Variants in NBEA observed in about 807,000 individuals in gnomAD.
NBEA encodes the protein lysosomal-trafficking regulator 2.
A neutral mutation model predicts 343.4 loss-of-function variants in NBEA; 44 were observed. The observed-to-expected ratio is 0.13, with a 90% CI of 0.10 to 0.16. The LOEUF (loss-of-function observed/expected upper bound fraction) is 0.16, where lower values mean the gene tolerates loss of function less well. Ranked by LOEUF, NBEA falls within the 10% of genes least tolerant of loss-of-function variation. The pLI, the probability that NBEA is intolerant of heterozygous loss-of-function variation, is 1.00. For synonymous variants in NBEA, 1,175 were observed against 1,238.7 expected, an observed-to-expected ratio of 0.95 and a Z score of 1.08; for missense variants, 2,555 against 3,631.3, an observed-to-expected ratio of 0.70 and a Z score of 7.62.
chr13:35,301,085 G>T (rs2036509697), intron 35 of NBEA, among the ~76,000 whole-genome samples: 2 of 151,698 alleles, frequency 1.3e-5, no homozygotes, highest in Non-Finnish European at 2.9e-5. Context: ...ATATTTTATA[G>T]TCCCTTTTCT....
intron 28 of NBEA, 79 bp downstream of exon 28, chr13:35,177,182 C>A: frequency 9.2e-7 from 1 of 1,088,872 alleles, no homozygotes; most frequent in South Asian, 1.5e-5. Context: ...AAGAAAGCTG[C>A]TTATGAAAAC....
At chr13:35,586,189 C>A (rs2081287208) in intron 46 of NBEA, among the ~76,000 whole-genome samples, 1 of 152,130 alleles carries the variant, frequency 6.6e-6, no homozygotes, top group African/African-American at 2.4e-5. Context: ...ATATTTTTTC[C>A]CTTCACCTAA....
intron 1 of NBEA, among the ~76,000 whole-genome samples, chr13:34,964,978 A>G (rs1021320463): frequency 1.3e-5 from 2 of 152,044 alleles, no homozygotes; most frequent in Non-Finnish European, 2.9e-5. Context: ...CTAGGAAACT[A>G]GCTACTGTAA....
At chr13:35,248,871 C>A (rs143242926) in intron 34 of NBEA, among the ~76,000 whole-genome samples, 1 of 152,050 alleles carries the variant, frequency 6.6e-6, no homozygotes, top group African/African-American at 2.4e-5. Flanking sequence ...TCATGATGGC[C>A]GAGCGTGGTA....
intron 36 of NBEA, among the ~76,000 whole-genome samples, chr13:35,330,806 T>TA (rs2038880425): frequency 6.6e-6 from 1 of 152,064 alleles, no homozygotes; most frequent in Non-Finnish European, 1.5e-5. Flanking sequence ...AATAGCTATA[T>TA]AGAGGGGAAA....
In NBEA at chr13:35,015,150, A is replaced by G. The variant is rs1054265736; in HGVS notation, c.295-25783A>G. 4.0e-5 allele frequency among the ~76,000 whole-genome samples: 6 copies of G among 149,382 alleles called. 1 individual carries two copies. Among genetic ancestry groups the G allele is most frequent in the Non-Finnish European group, 7.4e-5 (5 of 67,304 alleles). On this transcript the variant is annotated intron_variant, in intron 1 of 58. Coordinates refer to ENST00000379939, the MANE Select transcript of NBEA (RefSeq NM_001385012.1). ...CTGAAAAAAAAAAAACAAACAAAAA[A>G]AAAAAACCACACACAAAGCAGGGGC...
Position 35,159,121 on chromosome 13 carries a change from A to G in NBEA, c.2950A>G (p.Ile984Val). Residue 984 changes from isoleucine (I) to valine (V), a missense_variant, in exon 22 of 59, where the codon ATC (isoleucine) becomes GTC (valine). Ile to Val is a conservative substitution (Grantham distance 29). Around this residue, in one of 21 missense-constraint regions of NBEA, gnomAD observed 4 missense variants for 20.3 expected, o/e 0.20. Transcript: ENST00000379939. ...KKGKKGNVST[I>V]SGLSSQTTGA... ...GGGAAAGAAAGGGAATGTGAGCACC[A>G]TCTCTGGTCTTTCATCACAGACAAC... The G allele has an allele frequency of 6.2e-7, 1 of 1,613,646 alleles. No individual in the cohort carries two copies. Among genetic ancestry groups the G allele is most frequent in the Non-Finnish European group, 8.5e-7 (1 of 1,179,668 alleles).
chr13:35,073,267 G>A (rs1303108561), intron 10 of NBEA, among the ~76,000 whole-genome samples: 3 of 152,022 alleles, frequency 2.0e-5, no homozygotes. Flanking sequence ...CCTTGAAATA[G>A]GATTTATCAT....
intron 36 of NBEA, among the ~76,000 whole-genome samples, chr13:35,312,071 A>T (rs916863768): frequency 3.4e-4 from 51 of 152,212 alleles, no homozygotes; most frequent in Non-Finnish European, 3.8e-4. Flanking sequence ...CACCCACTAC[A>T]TGTCAAATAC....
intron 1 of NBEA, among the ~76,000 whole-genome samples, chr13:34,977,061 C>T (rs776323803): frequency 1.3e-5 from 2 of 151,590 alleles, no homozygotes; most frequent in Non-Finnish European, 2.9e-5. Context: ...CTGCCTCAGC[C>T]TCCCAAGTAG....
intron 35 of NBEA, among the ~76,000 whole-genome samples, chr13:35,308,504 A>ATGTATATG (rs1555361079): frequency 8.6e-6 from 1 of 115,614 alleles, no homozygotes; most frequent in Non-Finnish European, 1.7e-5. Context: ...ATATGTGTAT[A>ATGTATATG]TATATATGTG....
intron 1 of NBEA, among the ~76,000 whole-genome samples, chr13:34,956,470 A>ACCC (rs2152487482): frequency 8.3e-6 from 1 of 120,620 alleles, no homozygotes; most frequent in African/African-American, 3.2e-5. Context: ...TTATCTTTTT[A>ACCC]TAGAGGTAAA....
chr13:35,317,229 T>C (rs544844875), intron 36 of NBEA, among the ~76,000 whole-genome samples: 1 of 152,120 alleles, frequency 6.6e-6, no homozygotes, highest in Non-Finnish European at 1.5e-5. Flanking sequence ...TCTTCTAGGG[T>C]TTTTATGGTT....
At chr13:35,456,919 TA>T (rs2046609175) in intron 40 of NBEA, among the ~76,000 whole-genome samples, 1 of 151,704 alleles carries the variant, frequency 6.6e-6, no homozygotes, top group Non-Finnish European at 1.5e-5. Flanking sequence ...TAAATTGTAA[TA>T]ATTTTTTTTG....
chr13:34,943,000 G>T lies in NBEA; in HGVS notation c.180G>T (p.Met60Ile). The T allele has an allele frequency of 6.2e-7, 1 of 1,612,006 alleles. No homozygotes were observed. Among genetic ancestry groups the T allele is most frequent in the African/African-American group, 1.3e-5 (1 of 74,816 alleles). The change falls in exon 1 of 59, where the codon ATG becomes ATT. Residue 60 changes from methionine to isoleucine, a missense_variant. Coordinates refer to ENST00000379939, the MANE Select transcript of NBEA (RefSeq NM_001385012.1). ...GSGSVMLPAG[M>I]INPSVPIRNI... ...GCTCGGTGATGCTCCCCGCGGGGAT[G>T]ATTAACCCTTCGGTGCCGATCCGCA...
At chr13:35,014,251 G>C (rs930759010) in intron 1 of NBEA, among the ~76,000 whole-genome samples, 1 of 152,128 alleles carries the variant, frequency 6.6e-6, no homozygotes, top group Admixed American at 6.5e-5. Context: ...TTTTGAACAA[G>C]TGAATCTTCT....
chr13:35,637,115 T>C (rs144806084), intron 49 of NBEA, among the ~76,000 whole-genome samples: 95 of 152,296 alleles, frequency 6.2e-4, no homozygotes, highest in Non-Finnish European at 1.1e-3. Context: ...CCTATTTGTA[T>C]CAGTCAGGAT....
chr13:35,335,571 A>G (rs1183847384), intron 36 of NBEA, among the ~76,000 whole-genome samples: 1 of 152,116 alleles, frequency 6.6e-6, no homozygotes, highest in East Asian at 1.9e-4. Context: ...CTTAGGTTAG[A>G]TAAGTTAGGT....
intron 58 of NBEA, among the ~76,000 whole-genome samples, chr13:35,668,775 A>G (rs1255689267): frequency 6.6e-6 from 1 of 152,236 alleles, no homozygotes; most frequent in African/African-American, 2.4e-5. Context: ...GGCCCAAGAC[A>G]TAGAACTTAC....
Sources: gnomAD v4.1 joint callset for allele counts (sites outside exome capture counted in the v4.1 genomes callset) on GRCh38, gnomAD v4.1.1 for gene constraint, gnomAD v4.1.1 regional missense constraint, MANE v1.5 for transcripts, NCBI Gene and HGNC (gene_info 2026-07-23, HGNC 2026-07-21) for gene names.